Variants in LHFPL3 observed in about 807,000 individuals in gnomAD.
LHFPL3 encodes LHFPL tetraspan subfamily member 3 protein.
A neutral mutation model predicts 19.3 loss-of-function variants in LHFPL3; 5 were observed. The ratio of observed to expected loss-of-function variants is 0.26; its 90% CI spans 0.14 to 0.54. LHFPL3 has a LOEUF of 0.54. Among genes scored for constraint, LHFPL3 ranks in the 20% least tolerant of loss-of-function variants. LHFPL3 has a pLI of 0.94. For synonymous variants in LHFPL3, 133 were observed against 126.2 expected (o/e 1.05, Z -0.36); for missense variants, 249 against 307.4 (o/e 0.81, Z 1.42).
intron 1 of LHFPL3, among the ~76,000 whole-genome samples, chr7:104,535,331 C>A (rs1313577203): frequency 6.6e-6 from 1 of 152,162 alleles, no homozygotes; most frequent in Non-Finnish European, 1.5e-5. Context: ...TTCTGGATCT[C>A]TATTACAAGA....
chr7:104,428,878 C>T (rs148457717), intron 1 of LHFPL3, among the ~76,000 whole-genome samples: 270 of 152,194 alleles, frequency 1.8e-3, no homozygotes, highest in African/African-American at 6.2e-3. Flanking sequence ...AAGATATCTT[C>T]GGAATCTACC....
chr7:104,710,054 A>G lies in LHFPL3; in HGVS notation c.446-26621A>G, dbSNP rs183394864. On this transcript the variant is annotated intron_variant, in intron 1 of 2. Transcript: ENST00000424859. ...CAACATTGAGCACTGAGTGAGCGAG[A>G]CTCCGTCTGCAATCCCGGCACCTCG... Among the ~76,000 whole-genome samples, 510 of 152,142 alleles carry G rather than the reference A, an allele frequency of 3.4e-3. 3 individuals are homozygous for G. Among genetic ancestry groups the G allele is most frequent in the Middle Eastern group, 0.01 (3 of 294 alleles).
At chr7:104,404,722 A>T (rs934751811) in intron 1 of LHFPL3, among the ~76,000 whole-genome samples, 8 of 152,186 alleles carry the variant, frequency 5.3e-5, no homozygotes, top group African/African-American at 1.9e-4. Context: ...CATGTTTCTG[A>T]CCTGAAAAAT....
intron 1 of LHFPL3, among the ~76,000 whole-genome samples, chr7:104,574,888 G>A (rs1457232106): frequency 2.0e-5 from 3 of 152,132 alleles, no homozygotes. Flanking sequence ...TAAAACACCA[G>A]ATGGAAAATA....
chr7:104,692,647 CAG>C, intron 1 of LHFPL3, among the ~76,000 whole-genome samples: 1 of 152,242 alleles, frequency 6.6e-6, no homozygotes, highest in Admixed American at 6.5e-5. Context: ...CAAGCCTTGG[CAG>C]CTTACACACG....
chr7:104,575,024 A>G lies in LHFPL3; in HGVS notation c.446-161651A>G, dbSNP rs369648116. On this transcript the variant is annotated intron_variant, in intron 1 of 2. Transcript: ENST00000424859. ...ACTGCTTTTGATGACTAAGTAATTC[A>G]TTAATCATTATAAATGTCTAATGGA... Among the ~76,000 whole-genome samples the G allele has an allele frequency of 3.8e-4, 58 of 152,244 alleles. 1 individual carries two copies. The highest frequency in any genetic ancestry group is 1.3e-3 in the African/African-American group (54 of 41,464).
chr7:104,361,456 C>A (rs971770693), intron 1 of LHFPL3, among the ~76,000 whole-genome samples: 1 of 152,120 alleles, frequency 6.6e-6, no homozygotes, highest in Non-Finnish European at 1.5e-5. Context: ...GGTAAAGAAG[C>A]TTTAATTTCT....
At chr7:104,382,256 A>T (rs1031884969) in intron 1 of LHFPL3, among the ~76,000 whole-genome samples, 9 of 152,046 alleles carry the variant, frequency 5.9e-5, no homozygotes, top group African/African-American at 2.2e-4. Context: ...TGAATCAGAA[A>T]CTCTGGGGAT....
intron 1 of LHFPL3, among the ~76,000 whole-genome samples, chr7:104,451,712 G>A (rs1792442702): frequency 6.6e-6 from 1 of 152,000 alleles, no homozygotes; most frequent in Admixed American, 6.6e-5. Flanking sequence ...CAAAAGACAT[G>A]TTTAGTGTCT....
chr7:104,450,860 A>T (rs541155635), intron 1 of LHFPL3, among the ~76,000 whole-genome samples: 4 of 152,212 alleles, frequency 2.6e-5, no homozygotes, highest in Admixed American at 6.5e-5. Flanking sequence ...TGCCTTCATG[A>T]CTTCCCTATG....
At chr7:104,562,266 C>A (rs1003318481) in intron 1 of LHFPL3, among the ~76,000 whole-genome samples, 7 of 151,676 alleles carry the variant, frequency 4.6e-5, no homozygotes, top group African/African-American at 1.7e-4. Flanking sequence ...TGGATAATAT[C>A]CTGCAGAGTG....
chr7:104,764,925 A>G (rs1009653330), intron 2 of LHFPL3, among the ~76,000 whole-genome samples: 3 of 152,212 alleles, frequency 2.0e-5, no homozygotes, highest in African/African-American at 7.2e-5. Context: ...AAGGTCTTAC[A>G]TTTCATTAGC....
chr7:104,503,265 A>G (rs1217736707), intron 1 of LHFPL3, among the ~76,000 whole-genome samples: 1 of 152,190 alleles, frequency 6.6e-6, no homozygotes. Context: ...GAACAATGCT[A>G]TCCCATTTTG....
intron 1 of LHFPL3, among the ~76,000 whole-genome samples, chr7:104,671,614 C>G (rs564242041): frequency 6.7e-6 from 1 of 150,076 alleles, no homozygotes; most frequent in South Asian, 2.1e-4. Flanking sequence ...AAAATACAGA[C>G]TTTTCCACTA....
chr7:104,481,532 C>G (rs963173876), intron 1 of LHFPL3, among the ~76,000 whole-genome samples: 5 of 152,070 alleles, frequency 3.3e-5, no homozygotes, highest in African/African-American at 7.2e-5. Flanking sequence ...GCTTATGCTG[C>G]TCTCCCTGCA....
chr7:104,464,295 G>A (rs1368016996), intron 1 of LHFPL3, among the ~76,000 whole-genome samples: 1 of 152,242 alleles, frequency 6.6e-6, no homozygotes, highest in Non-Finnish European at 1.5e-5. Flanking sequence ...CTTCCTGGCT[G>A]TTTTCATGGC....
At chr7:104,488,912 G>A (rs1418528993) in intron 1 of LHFPL3, among the ~76,000 whole-genome samples, 1 of 152,138 alleles carries the variant, frequency 6.6e-6, no homozygotes, top group African/African-American at 2.4e-5. Context: ...GGAAGTCTAG[G>A]ATTTCAGGCA....
intron 2 of LHFPL3, among the ~76,000 whole-genome samples, chr7:104,827,638 T>C (rs1409829447): frequency 6.6e-6 from 1 of 151,810 alleles, no homozygotes; most frequent in South Asian, 2.1e-4. Flanking sequence ...GATAGTATCT[T>C]GTCTGCATAA....
At chr7:104,525,278 C>T (rs1459399428) in intron 1 of LHFPL3, among the ~76,000 whole-genome samples, 3 of 152,116 alleles carry the variant, frequency 2.0e-5, no homozygotes, top group Admixed American at 6.6e-5. Context: ...CAACTTATAA[C>T]GTGACATAAT....
Sources: allele counts gnomAD v4.1 joint callset (sites outside exome capture counted in the v4.1 genomes callset), GRCh38; gene constraint gnomAD v4.1.1; transcripts MANE v1.5; gene names NCBI Gene and HGNC (gene_info 2026-07-23, HGNC 2026-07-21).